CCBE1: variants seen among roughly 807,000 people sequenced by gnomAD.
CCBE1 encodes collagen and calcium binding EGF domains 1, also known as collagen and calcium-binding EGF domain-containing protein 1.
CCBE1 carries 37 observed loss-of-function variants against 50.0 expected under a neutral mutation model. That is an observed-to-expected ratio of 0.74 (90% CI 0.57 to 0.97). The LOEUF is 0.97. CCBE1 is among the 50% of genes least tolerant of loss of function. The pLI is 0.00. For missense variants in CCBE1, 538 were observed against 523.8 expected, an observed-to-expected ratio of 1.03 and a Z score of -0.26; for synonymous variants, 234 against 203.7, an observed-to-expected ratio of 1.15 and a Z score of -1.27.
chr18:59,553,290 T>C (rs1014822186), intron 2 of CCBE1, among the ~76,000 whole-genome samples: 9 of 152,208 alleles, frequency 5.9e-5, no homozygotes, highest in Non-Finnish European at 2.9e-5. Flanking sequence ...CACAGTCTCA[T>C]TCAAGCATGA....
intron 2 of CCBE1, among the ~76,000 whole-genome samples, chr18:59,679,145 A>G (rs551885631): frequency 2.6e-5 from 4 of 152,300 alleles, no homozygotes; most frequent in African/African-American, 7.2e-5. Context: ...TGGCTTCCCC[A>G]TACAGTGATC....
intron 3 of CCBE1, among the ~76,000 whole-genome samples, chr18:59,472,276 T>C (rs1912069722): frequency 6.6e-6 from 1 of 152,256 alleles, no homozygotes; most frequent in South Asian, 2.1e-4. Context: ...CTAGAGGCGG[T>C]AGCTGCTTCC....
chr18:59,532,060 A>G (rs1255918499), intron 2 of CCBE1, among the ~76,000 whole-genome samples: 1 of 152,102 alleles, frequency 6.6e-6, no homozygotes, highest in Non-Finnish European at 1.5e-5. Flanking sequence ...GTATCTCTAC[A>G]TTTAATGTTC....
intron 2 of CCBE1, among the ~76,000 whole-genome samples, chr18:59,564,636 G>A (rs754547152): frequency 6.6e-6 from 1 of 152,168 alleles, no homozygotes; most frequent in Non-Finnish European, 1.5e-5. Flanking sequence ...GAAGTCTTTG[G>A]GATTCGTGTG....
At chr18:59,441,475 C>A (rs1477822501) in intron 7 of CCBE1, among the ~76,000 whole-genome samples, 2 of 130,556 alleles carry the variant, frequency 1.5e-5, no homozygotes, top group Non-Finnish European at 3.3e-5. Context: ...CAAAGCGAGA[C>A]TCCATCTCAA....
intron 2 of CCBE1, among the ~76,000 whole-genome samples, chr18:59,511,807 T>G (rs1457163934): frequency 6.6e-6 from 1 of 152,180 alleles, no homozygotes; most frequent in Non-Finnish European, 1.5e-5. Flanking sequence ...ACTCTATAGC[T>G]GATGTAGCCA....
intron 2 of CCBE1, among the ~76,000 whole-genome samples, chr18:59,620,353 A>T (rs1474234683): frequency 1.3e-5 from 2 of 152,084 alleles, no homozygotes; most frequent in Non-Finnish European, 2.9e-5. Flanking sequence ...TGGTTGGAGG[A>T]GGTAGAAAAG....
At chr18:59,529,572 C>G (rs956509023) in intron 2 of CCBE1, among the ~76,000 whole-genome samples, 3 of 152,222 alleles carry the variant, frequency 2.0e-5, no homozygotes, top group African/African-American at 7.2e-5. Flanking sequence ...AGCAATGTCA[C>G]TCACTGCCTC....
intron 5 of CCBE1, among the ~76,000 whole-genome samples, chr18:59,455,974 T>G (rs536387280): frequency 2.8e-3 from 422 of 152,360 alleles, no homozygotes; most frequent in African/African-American, 9.6e-3. Context: ...CATCTCTTGT[T>G]CTTCCTGGCC....
chr18:59,624,442 A>G (rs1047880535), intron 2 of CCBE1, among the ~76,000 whole-genome samples: 4 of 152,204 alleles, frequency 2.6e-5, no homozygotes, highest in African/African-American at 7.2e-5. Flanking sequence ...TAAAGTTTTA[A>G]AAATATATTT....
chr18:59,479,442 CTAACAATGACAACAGCAGCAA>C (rs1400193558), intron 3 of CCBE1, among the ~76,000 whole-genome samples: 8 of 152,174 alleles, frequency 5.3e-5, no homozygotes, highest in Admixed American at 5.2e-4. Flanking sequence ...GCAGTTATTA[CTAACAATGACAACAGCAGCAA>C]TAACAGCAGC....
intron 2 of CCBE1, among the ~76,000 whole-genome samples, chr18:59,552,233 T>G (rs907446420): frequency 1.3e-5 from 2 of 152,200 alleles, no homozygotes; most frequent in Non-Finnish European, 2.9e-5. Flanking sequence ...TTCGGGCACA[T>G]TCTACCAGTC....
intron 2 of CCBE1, among the ~76,000 whole-genome samples, chr18:59,492,389 C>T (rs1913153954): frequency 6.6e-6 from 1 of 152,034 alleles, no homozygotes; most frequent in Admixed American, 6.5e-5. Context: ...ACATAACCAC[C>T]CAGAATTAAG....
chr18:59,463,542 G>C (rs1395334661), intron 5 of CCBE1, among the ~76,000 whole-genome samples: 1 of 152,190 alleles, frequency 6.6e-6, no homozygotes, highest in Non-Finnish European at 1.5e-5. Flanking sequence ...TGAGACCAAA[G>C]CACAAATAAA....
chr18:59,583,073 C>A (rs1208344163), intron 2 of CCBE1, among the ~76,000 whole-genome samples: 2 of 152,210 alleles, frequency 1.3e-5, no homozygotes, highest in Non-Finnish European at 1.5e-5. Context: ...CTCACCTTGG[C>A]CTCCCAAAGT....
intron 2 of CCBE1, among the ~76,000 whole-genome samples, chr18:59,620,114 T>C (rs2053692054): frequency 6.6e-6 from 1 of 152,116 alleles, no homozygotes; most frequent in African/African-American, 2.4e-5. Flanking sequence ...AGAAGGAACA[T>C]GCACATGCAG....
At chr18:59,586,431 G>T (rs2144523321) in intron 2 of CCBE1, among the ~76,000 whole-genome samples, 1 of 152,316 alleles carries the variant, frequency 6.6e-6, no homozygotes, top group African/African-American at 2.4e-5. Context: ...CTGGCCCATG[G>T]GGAGTGGCCC....
At chr18:59,466,400 G>A (rs898546761) in intron 5 of CCBE1, among the ~76,000 whole-genome samples, 20 of 152,006 alleles carry the variant, frequency 1.3e-4, no homozygotes, top group African/African-American at 4.3e-4. Flanking sequence ...GCCTTCCACC[G>A]TGATTGTGAG....
intron 2 of CCBE1, among the ~76,000 whole-genome samples, chr18:59,593,198 G>A (rs1373474126): frequency 6.6e-6 from 1 of 152,160 alleles, no homozygotes; most frequent in Non-Finnish European, 1.5e-5. Context: ...TTCTAGATCT[G>A]TGTTTTTAAT....
Sources: gnomAD v4.1 joint callset for allele counts (sites outside exome capture counted in the v4.1 genomes callset) on GRCh38, gnomAD v4.1.1 for gene constraint, MANE v1.5 for transcripts, NCBI Gene and HGNC (gene_info 2026-07-23, HGNC 2026-07-21) for gene names.